APBA2: variants seen among roughly 807,000 people sequenced by gnomAD.
APBA2 encodes the protein amyloid-beta A4 precursor protein-binding family A member 2.
A neutral mutation model predicts 75.0 loss-of-function variants in APBA2; 30 were observed. The observed-to-expected ratio is 0.40, with a 90% CI of 0.30 to 0.54. The LOEUF is 0.54. Among genes scored for constraint, APBA2 ranks in the 20% least tolerant of loss-of-function variants. APBA2 has a pLI of 0.49. For synonymous variants in APBA2, 444 were observed against 409.6 expected, an observed-to-expected ratio of 1.08 and a Z score of -1.01; for missense variants, 801 against 1,016.1, an observed-to-expected ratio of 0.79 and a Z score of 2.88.
chr15:29,029,906 G>T (rs896997623), intron 3 of APBA2, among the ~76,000 whole-genome samples: 1 of 152,152 alleles, frequency 6.6e-6, no homozygotes, highest in Non-Finnish European at 1.5e-5. Flanking sequence ...CAGAGGTGCC[G>T]GACATGCAGA....
chr15:28,969,128 TTTTCTTTC>T (rs138940957), intron 2 of APBA2, among the ~76,000 whole-genome samples: 4,392 of 137,042 alleles, frequency 0.032, 75 homozygotes, highest in Non-Finnish European at 0.044. Flanking sequence ...TTTCATTTCT[TTTTCTTTC>T]TTTCTTTCTT....
chr15:29,067,631 A>T (rs2042434331), intron 4 of APBA2, among the ~76,000 whole-genome samples: 1 of 152,188 alleles, frequency 6.6e-6, no homozygotes, highest in South Asian at 2.1e-4. Context: ...TAAAATAAAC[A>T]TATATCGTTA....
rs369462717 is a variant in APBA2, at chr15:29,117,481, C to T, written c.*348C>T. On this transcript the variant is annotated 3_prime_UTR_variant, in exon 15 of 15. Coordinates refer to ENST00000683413, the MANE Select transcript of APBA2 (RefSeq NM_001353788.2). ...CCTGAAGCTGTGCGGAGCGAACTGG[C>T]GCCTCCGAGGGACGCGGCTCCCGGG... The T allele has an allele frequency of 9.3e-6, 3 of 323,800 alleles. No individual in the cohort carries two copies. The highest frequency in any genetic ancestry group is 2.2e-5 in the African/African-American group (1 of 46,462). The allele number at this position is 323,800 out of a possible 1,614,324, so 20.1% of individuals were successfully genotyped here.
intron 3 of APBA2, among the ~76,000 whole-genome samples, chr15:29,020,557 G>A (rs560518783): frequency 9.2e-5 from 14 of 151,988 alleles, no homozygotes; most frequent in Non-Finnish European, 1.6e-4. Flanking sequence ...CGTAATCCCA[G>A]CACTTTGAGA....
intron 4 of APBA2, among the ~76,000 whole-genome samples, chr15:29,064,754 G>T (rs999854580): frequency 4.6e-5 from 7 of 152,188 alleles, no homozygotes; most frequent in Non-Finnish European, 7.3e-5. Flanking sequence ...GGGGCATGGA[G>T]GGGAGCCAGG....
At chr15:28,909,664 G>A (rs1351238014) in intron 1 of APBA2, among the ~76,000 whole-genome samples, 1 of 145,050 alleles carries the variant, frequency 6.9e-6, no homozygotes, top group African/African-American at 2.8e-5. Flanking sequence ...CTGGGCACAG[G>A]TGCTGGGCAC....
intron 4 of APBA2, among the ~76,000 whole-genome samples, chr15:29,061,995 G>A (rs1172743918): frequency 1.3e-5 from 2 of 152,136 alleles, no homozygotes; most frequent in Non-Finnish European, 2.9e-5. Flanking sequence ...CTTGCACTGC[G>A]CCCAGGAGGG....
At chr15:28,922,594 G>T (rs918299453) in intron 2 of APBA2, among the ~76,000 whole-genome samples, 2 of 152,092 alleles carry the variant, frequency 1.3e-5, no homozygotes, top group African/African-American at 4.8e-5. Flanking sequence ...TCCTTTAGTG[G>T]GCCGTCTGAG....
chr15:29,033,964 CA>C (rs34808408), intron 3 of APBA2, among the ~76,000 whole-genome samples: 8,390 of 39,488 alleles, frequency 0.21, 174 homozygotes, highest in East Asian at 0.38. Flanking sequence ...GACTCCATCT[CA>C]AAAAAAAAAA....
intron 3 of APBA2, among the ~76,000 whole-genome samples, chr15:29,042,560 A>G (rs1288023189): frequency 6.6e-6 from 1 of 152,162 alleles, no homozygotes; most frequent in Admixed American, 6.5e-5. Context: ...ACCCAGCTGC[A>G]GTGATCCTAT....
intron 3 of APBA2, among the ~76,000 whole-genome samples, chr15:29,041,432 A>G (rs116774691): frequency 2.0e-5 from 3 of 151,322 alleles, no homozygotes; most frequent in Non-Finnish European, 4.4e-5. Flanking sequence ...GCAGTGAGCC[A>G]TATTTGTGCC....
chr15:28,915,050 AC>A (rs1209560916), intron 1 of APBA2, among the ~76,000 whole-genome samples: 1 of 140,898 alleles, frequency 7.1e-6, no homozygotes, highest in African/African-American at 2.6e-5. Flanking sequence ...TGCCTACCTC[AC>A]ACACACCACA....
intron 3 of APBA2, among the ~76,000 whole-genome samples, chr15:29,036,553 C>A (rs776833436): frequency 6.6e-6 from 1 of 152,160 alleles, no homozygotes; most frequent in African/African-American, 2.4e-5. Flanking sequence ...GGGGCCTCCC[C>A]ACTGGACTGG....
Position 29,098,410 on chromosome 15 carries a change from C to T in APBA2, c.1252-80C>T, listed in dbSNP as rs1163258740. Reference sequence around the variant, plus strand: ...TTATCTGGTGATTAGGGATGTTGAGCATTTTGTCATAATGCTATTTGCATG... The same window carrying T: ...TTATCTGGTGATTAGGGATGTTGAGTATTTTGTCATAATGCTATTTGCATG... On this transcript the variant is annotated intron_variant, in intron 8 of 14. Transcript: ENST00000683413. The T allele has an allele frequency of 1.2e-5, 11 of 939,568 alleles. No individual in the cohort carries two copies. The East Asian group carries it at 2.2e-4, about 18-fold the overall frequency. 58.2% of individuals were successfully genotyped at this position (939,568 alleles called of 1,614,324 possible).
At chr15:29,020,498 T>A (rs57545541) in intron 3 of APBA2, among the ~76,000 whole-genome samples, 13,675 of 151,944 alleles carry the variant, frequency 0.09, 995 homozygotes, top group East Asian at 0.22. Flanking sequence ...GTGACTTTTT[T>A]AAAAAATATA....
intron 13 of APBA2, 146 bp from the exon 14 acceptor site, chr15:29,113,730 A>T (rs184772488): frequency 1.0e-6 from 1 of 1,001,318 alleles, no homozygotes; most frequent in African/African-American, 1.6e-5. Context: ...TATCATAAGG[A>T]TCTCTGTCTG....
At position 28,918,923 on chromosome 15, in the gene APBA2, T is replaced by A. The variant is rs1463080063; in HGVS notation, c.-204-2717T>A. Among the ~76,000 whole-genome samples the A allele has an allele frequency of 6.6e-6, 1 of 151,848 alleles. No individual in the cohort carries two copies. The highest frequency in any genetic ancestry group is 1.9e-4 in the East Asian group (1 of 5,140). On this transcript the variant is annotated intron_variant, in intron 1 of 14. Transcript: ENST00000683413. The surrounding 1 kb of genome is among the most constrained non-coding windows in gnomAD (Gnocchi z 4.2). ...CTCCCAGGCTGGAGTGCAGTGGCGC[T>A]ATCTTGGCTCACTGCAAGCTCCGCC...
chr15:29,056,252 C>T (rs147859373), intron 4 of APBA2, among the ~76,000 whole-genome samples: 3 of 152,136 alleles, frequency 2.0e-5, no homozygotes, highest in Admixed American at 6.5e-5. Flanking sequence ...AGAGATCTTG[C>T]GATTGGAGAG....
At chr15:28,951,264 G>C (rs925240595) in intron 2 of APBA2, among the ~76,000 whole-genome samples, 1 of 152,162 alleles carries the variant, frequency 6.6e-6, no homozygotes, top group Non-Finnish European at 1.5e-5. Context: ...TTATAGAAGG[G>C]ACTTGAGCAT....
Sources: gnomAD v4.1 joint callset for allele counts (sites outside exome capture counted in the v4.1 genomes callset) on GRCh38, gnomAD v4.1.1 for gene constraint, Gnocchi (gnomAD v3.1) non-coding constraint, MANE v1.5 for transcripts, NCBI Gene and HGNC (gene_info 2026-07-23, HGNC 2026-07-21) for gene names.